Variants in ARHGAP18 observed in about 807,000 individuals in gnomAD.
ARHGAP18 encodes rho GTPase-activating protein 18.
Under a neutral mutation model 86.2 loss-of-function variants are expected in ARHGAP18, and 67 were observed. The observed-to-expected ratio is 0.78, with a 90% CI of 0.64 to 0.95. The LOEUF is 0.95. Ranked by LOEUF, ARHGAP18 falls within the 40% of genes least tolerant of loss-of-function variation. The pLI, the probability that ARHGAP18 is intolerant of heterozygous loss-of-function variation, is 0.00. For synonymous variants in ARHGAP18, 283 were observed against 280.4 expected (o/e 1.01, Z -0.09); for missense variants, 691 against 780.4 (o/e 0.89, Z 1.37).
chr6:129,578,653 T>G, intron 14 of ARHGAP18, 49 bp from the exon 15 acceptor site: 1 of 1,459,878 alleles, frequency 6.8e-7, no homozygotes, highest in Non-Finnish European at 9.5e-7. Context: ...TAGATTGGTA[T>G]GCAATTTTAA....
At chr6:129,597,631 C>T (rs1191669352) in intron 12 of ARHGAP18, among the ~76,000 whole-genome samples, 1 of 152,066 alleles carries the variant, frequency 6.6e-6, no homozygotes. Context: ...GAGCACCCAG[C>T]TCCCTGACTC....
chr6:129,609,102 G>A (rs990372416), intron 8 of ARHGAP18, among the ~76,000 whole-genome samples: 1 of 145,254 alleles, frequency 6.9e-6, no homozygotes, highest in African/African-American at 2.5e-5. Context: ...GAAAGAATGA[G>A]GGGGGAAAGA....
chr6:129,629,601 A>T, intron 4 of ARHGAP18, 79 bp from the exon 5 acceptor site: 1 of 1,439,552 alleles, frequency 6.9e-7, no homozygotes, highest in Admixed American at 2.3e-5. Flanking sequence ...TTCGCTACAT[A>T]AAAACATTTG....
intron 1 of ARHGAP18, among the ~76,000 whole-genome samples, chr6:129,649,934 C>T (rs1336632385): frequency 4.6e-5 from 6 of 130,786 alleles, no homozygotes; most frequent in East Asian, 2.2e-4. Flanking sequence ...TTTTTGGAGA[C>T]GGAGTTCCAC....
rs750170950 is a variant in ARHGAP18, at chr6:129,584,006, C to T, written c.1820G>A (p.Arg607Lys). 1.8e-5 allele frequency: 29 copies of T among 1,613,098 alleles called. No individual in the cohort carries two copies. Among genetic ancestry groups the T allele is most frequent in the Non-Finnish European group, 2.5e-5 (29 of 1,179,536 alleles). ...CCTCTACCTTTCTTGGCTGAGAAAC[C>T]TGGCAAGTACATCACTGGCTTTTAG... Reference protein sequence around the residue: ...EELKASDVLARFLSQESGVAQ... With the variant: ...EELKASDVLAKFLSQESGVAQ... The change falls in exon 13 of 15, where the codon AGG (arginine) becomes AAG (lysine). Residue 607 changes from arginine to lysine, a missense_variant. Arg to Lys is a conservative substitution (Grantham distance 26). Coordinates refer to ENST00000368149, the MANE Select transcript of ARHGAP18 (RefSeq NM_033515.3).
At chr6:129,601,365 T>C (rs1788739462) in intron 10 of ARHGAP18, among the ~76,000 whole-genome samples, 2 of 152,058 alleles carry the variant, frequency 1.3e-5, no homozygotes, top group South Asian at 4.1e-4. Flanking sequence ...TCCCAGGCAC[T>C]GGGCATGGTG....
In ARHGAP18 at chr6:129,629,501, CCAA is replaced by C; in HGVS notation, c.635_637del (p.Val212del). The stretch of plus-strand genomic sequence containing the variant: ...CTCAGGTGGGATCAGCTTCTCTTCA[CCAA>C]CAAGGTTAGATGCCTCGTCTAGGGG... On this transcript the variant is annotated inframe_deletion, in exon 5 of 15. Coordinates refer to ENST00000368149, the MANE Select transcript of ARHGAP18 (RefSeq NM_033515.3). 1.2e-6 allele frequency: 2 copies of C among 1,613,170 alleles called. No individual in the cohort carries two copies. The highest frequency in any genetic ancestry group is 1.7e-6 in the Non-Finnish European group (2 of 1,179,546).
chr6:129,649,065 G>T (rs60940371), intron 1 of ARHGAP18, among the ~76,000 whole-genome samples: 1 of 151,890 alleles, frequency 6.6e-6, no homozygotes, highest in East Asian at 1.9e-4. Context: ...CACATCACTC[G>T]CCCCACACAC....
At chr6:129,688,557 C>T (rs976083373) in intron 1 of ARHGAP18, among the ~76,000 whole-genome samples, 1 of 152,144 alleles carries the variant, frequency 6.6e-6, no homozygotes, top group African/African-American at 2.4e-5. Flanking sequence ...CTTTGGGAGG[C>T]CGAGGCGGGT....
chr6:129,617,347 GA>G (rs1789118474), intron 6 of ARHGAP18, among the ~76,000 whole-genome samples: 1 of 152,082 alleles, frequency 6.6e-6, no homozygotes, highest in Non-Finnish European at 1.5e-5. Flanking sequence ...CTGTGAACAT[GA>G]AAAAGGGGAT....
At chr6:129,705,887 T>C (rs1774794469) in intron 1 of ARHGAP18, among the ~76,000 whole-genome samples, 2 of 152,340 alleles carry the variant, frequency 1.3e-5, no homozygotes, top group South Asian at 4.1e-4. Flanking sequence ...AGCTGGGATA[T>C]GACCCCAGAC....
At chr6:129,666,115 A>T (rs2114523115) in intron 1 of ARHGAP18, among the ~76,000 whole-genome samples, 1 of 152,252 alleles carries the variant, frequency 6.6e-6, no homozygotes, top group African/African-American at 2.4e-5. Flanking sequence ...GAATGTCCAA[A>T]AGCCAGGAAT....
intron 1 of ARHGAP18, among the ~76,000 whole-genome samples, chr6:129,668,651 A>G (rs935294294): frequency 6.6e-6 from 1 of 152,090 alleles, no homozygotes; most frequent in Non-Finnish European, 1.5e-5. Flanking sequence ...GGAGCCCACC[A>G]GGCACTTTTC....
intron 1 of ARHGAP18, among the ~76,000 whole-genome samples, chr6:129,698,977 G>A (rs973181724): frequency 7.2e-5 from 11 of 152,102 alleles, no homozygotes; most frequent in African/African-American, 2.7e-4. Context: ...ACAGGCATGA[G>A]CCACACGCCC....
chr6:129,670,486 C>T (rs1238912848), intron 1 of ARHGAP18, among the ~76,000 whole-genome samples: 3 of 152,114 alleles, frequency 2.0e-5, no homozygotes, highest in East Asian at 1.9e-4. Flanking sequence ...TCACAGGTAA[C>T]GTTTTTCCTG....
chr6:129,622,240 T>C (rs1435928401), intron 5 of ARHGAP18, among the ~76,000 whole-genome samples: 1 of 152,196 alleles, frequency 6.6e-6, no homozygotes, highest in African/African-American at 2.4e-5. Context: ...TTTTCCTTTT[T>C]AAAAATCACA....
At chr6:129,649,097 CAGAG>C (rs1773647494) in intron 1 of ARHGAP18, among the ~76,000 whole-genome samples, 1 of 152,182 alleles carries the variant, frequency 6.6e-6, no homozygotes. Flanking sequence ...CATCAGAACC[CAGAG>C]AAAGAATCTA....
chr6:129,666,932 T>C (rs779034909), intron 1 of ARHGAP18, among the ~76,000 whole-genome samples: 1 of 152,188 alleles, frequency 6.6e-6, no homozygotes, highest in African/African-American at 2.4e-5. Context: ...CCTTTAAATC[T>C]GGGATGAAGC....
In ARHGAP18 at chr6:129,607,923, C is replaced by T. The variant is rs775258000; in HGVS notation, c.1252G>A (p.Glu418Lys). The change falls in exon 9 of 15, where the codon GAG becomes AAG. Residue 418 changes from glutamate (E) to lysine (K), a missense_variant. Physicochemically the swap from Glu to Lys is moderately conservative, Grantham distance 56. Coordinates refer to ENST00000368149, the MANE Select transcript of ARHGAP18 (RefSeq NM_033515.3). Reference protein sequence around the residue: ...RELPQPLLSVEYLKAFQAVQN... With the variant: ...RELPQPLLSVKYLKAFQAVQN... Reference sequence around the variant, plus strand: ...ACAGCCTGAAAGGCTTTGAGATACTCCACACTGAGCAGTGGCTGGGGCAAC... The same window carrying T: ...ACAGCCTGAAAGGCTTTGAGATACTTCACACTGAGCAGTGGCTGGGGCAAC... 1.5e-4 allele frequency: 234 copies of T among 1,613,002 alleles called. 4 individuals are homozygous for T. The East Asian group carries it at 3.1e-3, about 21-fold the overall frequency.
Sources: allele counts gnomAD v4.1 joint callset (sites outside exome capture counted in the v4.1 genomes callset), GRCh38; gene constraint gnomAD v4.1.1; transcripts MANE v1.5; gene names NCBI Gene and HGNC (gene_info 2026-07-23, HGNC 2026-07-21).